The following RSPO2 variants were observed in gnomAD, a reference collection of about 807,000 sequenced individuals.
The protein encoded by RSPO2 is R-spondin-2.
In RSPO2, 14 loss-of-function variants were observed where a neutral mutation model predicts 30.9. The ratio of observed to expected loss-of-function variants is 0.45; its 90% CI spans 0.30 to 0.71. RSPO2 has a LOEUF of 0.71. RSPO2 is among the 30% of genes least tolerant of loss of function. The pLI is 0.08. For synonymous variants in RSPO2, 107 were observed against 96.4 expected (o/e 1.11, Z -0.64); for missense variants, 264 against 301.9 (o/e 0.87, Z 0.93).
chr8:107,921,576 G>A (rs1812175937), intron 5 of RSPO2, among the ~76,000 whole-genome samples: 1 of 151,992 alleles, frequency 6.6e-6, no homozygotes, highest in Non-Finnish European at 1.5e-5. Context: ...CAAAAAAATT[G>A]AAGAGGAGGG....
intron 2 of RSPO2, among the ~76,000 whole-genome samples, chr8:108,048,046 AT>A (rs1811960904): frequency 6.6e-6 from 1 of 152,130 alleles, no homozygotes; most frequent in Non-Finnish European, 1.5e-5. Context: ...GCTAAGTACT[AT>A]GCCGCGTGCT....
In RSPO2 at chr8:107,932,873, C is replaced by CAT. The variant is rs1253712224; in HGVS notation, c.616+25205_616+25206dup. 2.6e-5 allele frequency among the ~76,000 whole-genome samples: 4 copies of CAT among 152,290 alleles called. No homozygotes were observed. The East Asian group carries it at 7.7e-4, about 29-fold the overall frequency. On this transcript the variant is annotated intron_variant, in intron 5 of 5. Coordinates refer to ENST00000276659, the MANE Select transcript of RSPO2 (RefSeq NM_178565.5). ...GATCAGCTGAAATTGTAAGGACACT[C>CAT]ATCCACACAGTCTGTAATTTCTGAA...
intron 2 of RSPO2, among the ~76,000 whole-genome samples, chr8:108,056,829 G>A (rs1812263347): frequency 6.6e-6 from 1 of 150,968 alleles, no homozygotes; most frequent in Non-Finnish European, 1.5e-5. Context: ...GCCAAGGGGG[G>A]TGGATCACTT....
chr8:107,932,419 G>A (rs562283856), intron 5 of RSPO2, among the ~76,000 whole-genome samples: 1 of 152,302 alleles, frequency 6.6e-6, no homozygotes, highest in East Asian at 1.9e-4. Context: ...CATTTGAGCA[G>A]AGAATTAGAT....
At chr8:108,039,453 C>T (rs769680900) in intron 2 of RSPO2, among the ~76,000 whole-genome samples, 38 of 152,084 alleles carry the variant, frequency 2.5e-4, no homozygotes, top group Non-Finnish European at 4.6e-4. Flanking sequence ...TCTTACCCAA[C>T]GTCACCCAGC....
intron 2 of RSPO2, among the ~76,000 whole-genome samples, chr8:108,081,601 GC>G (rs1472608874): frequency 6.6e-6 from 1 of 152,120 alleles, no homozygotes; most frequent in East Asian, 1.9e-4. Flanking sequence ...GTGTCTAGCC[GC>G]CCTTCTTCTA....
At position 107,900,300 on chromosome 8, in the gene RSPO2, T is replaced by C. The variant is rs1811405524; in HGVS notation, c.*775A>G. On this transcript the variant is annotated 3_prime_UTR_variant, in exon 6 of 6. Transcript: ENST00000276659. ...TTGACTCTATATACAAAAACTAGTT[T>C]ATCCTACCCTTACAATGAGAAATAA... is the stretch of plus-strand genomic sequence containing the variant. 6.6e-6 allele frequency: 1 copy of C among 152,050 alleles called. No individual in the cohort carries two copies. Among genetic ancestry groups the C allele is most frequent in the Non-Finnish European group, 1.5e-5 (1 of 68,006 alleles). 9.4% of individuals were successfully genotyped at this position (152,050 alleles called of 1,614,324 possible). A position where few individuals can be genotyped will look rare whatever the true frequency, so the allele number is the denominator to read the frequency against.
intron 3 of RSPO2, among the ~76,000 whole-genome samples, chr8:107,979,760 T>C (rs1358441243): frequency 1.3e-5 from 2 of 152,048 alleles, no homozygotes; most frequent in African/African-American, 2.4e-5. Flanking sequence ...CTTCTGCTGG[T>C]TCTATCTTCT....
At chr8:107,951,370 A>G (rs1336117416) in intron 5 of RSPO2, among the ~76,000 whole-genome samples, 1 of 152,168 alleles carries the variant, frequency 6.6e-6, no homozygotes, top group African/African-American at 2.4e-5. Flanking sequence ...GTTGTTCTAA[A>G]AAATGATTAG....
intron 2 of RSPO2, among the ~76,000 whole-genome samples, chr8:108,034,953 C>T (rs1179771396): frequency 6.6e-6 from 1 of 152,228 alleles, no homozygotes; most frequent in Admixed American, 6.5e-5. Context: ...TACTGTTTTG[C>T]TTTCCATCCT....
chr8:108,079,139 T>C (rs1408596681), intron 2 of RSPO2, among the ~76,000 whole-genome samples: 2 of 152,182 alleles, frequency 1.3e-5, no homozygotes, highest in East Asian at 1.9e-4. Context: ...ATCATGACTA[T>C]TTTGAAGGGG....
intron 3 of RSPO2, chr8:107,983,222 A>T (rs1229855356): frequency 1.6e-5 from 25 of 1,577,204 alleles, no homozygotes; most frequent in Non-Finnish European, 2.2e-5. Flanking sequence ...TGTCACAAAA[A>T]GGCTGCAGCG....
chr8:108,079,121 A>G (rs929423353), intron 2 of RSPO2, among the ~76,000 whole-genome samples: 2 of 152,204 alleles, frequency 1.3e-5, no homozygotes, highest in African/African-American at 4.8e-5. Flanking sequence ...AGGGGTTAAC[A>G]ATAGCCAATC....
intron 5 of RSPO2, among the ~76,000 whole-genome samples, chr8:107,930,678 A>G (rs1434851336): frequency 6.6e-5 from 10 of 152,190 alleles, no homozygotes; most frequent in Admixed American, 6.5e-4. Flanking sequence ...CCCTAAATCA[A>G]TCATCTAACT....
At chr8:108,017,120 C>T (rs1283318745) in intron 2 of RSPO2, among the ~76,000 whole-genome samples, 1 of 151,834 alleles carries the variant, frequency 6.6e-6, no homozygotes, top group African/African-American at 2.4e-5. Context: ...AGGTTCACAC[C>T]ATTCTCCTGC....
Position 108,082,730 on chromosome 8 carries a change from G to A in RSPO2, c.-92C>T. 9.9e-7 allele frequency: 1 copy of A among 1,008,698 alleles called. No individual in the cohort carries two copies. The highest frequency in any genetic ancestry group is 1.5e-6 in the Non-Finnish European group (1 of 661,746). The allele number at this position is 1,008,698 out of a possible 1,614,324, so 62.5% of individuals were successfully genotyped here. A position where few individuals can be genotyped will look rare whatever the true frequency, so the allele number is the denominator to read the frequency against. ...CGGCGCCGGCCGCGCTGCTGGGGAG[G>A]ACTCAGAGGGAGACTCGCCACTCAC... On this transcript the variant is annotated 5_prime_UTR_variant, in exon 2 of 6. Transcript: ENST00000276659.
chr8:108,043,573 A>G (rs186813211), intron 2 of RSPO2, among the ~76,000 whole-genome samples: 1 of 147,172 alleles, frequency 6.8e-6, no homozygotes, highest in Non-Finnish European at 1.5e-5. Flanking sequence ...TTTTACTCAT[A>G]TACTTTGGGG....
intron 5 of RSPO2, among the ~76,000 whole-genome samples, chr8:107,948,164 G>A (rs1204486089): frequency 6.6e-6 from 1 of 152,148 alleles, no homozygotes; most frequent in African/African-American, 2.4e-5. Context: ...TCTTTAATGT[G>A]CATTTTCTTA....
intron 3 of RSPO2, among the ~76,000 whole-genome samples, chr8:107,977,823 TTTAAGC>T (rs1814271460): frequency 6.6e-6 from 1 of 152,114 alleles, no homozygotes; most frequent in African/African-American, 2.4e-5. Context: ...CTGGTAAGCA[TTTAAGC>T]ATAATAAATA....
Sources: allele counts gnomAD v4.1 joint callset (sites outside exome capture counted in the v4.1 genomes callset), GRCh38; gene constraint gnomAD v4.1.1; transcripts MANE v1.5; gene names NCBI Gene and HGNC (gene_info 2026-07-23, HGNC 2026-07-21).